FMN2: variants seen among roughly 807,000 people sequenced by gnomAD.
The protein encoded by FMN2 is formin-2.
A neutral mutation model predicts 142.3 loss-of-function variants in FMN2; 51 were observed. The ratio of observed to expected loss-of-function variants is 0.36; its 90% CI spans 0.29 to 0.45. The LOEUF (loss-of-function observed/expected upper bound fraction) is 0.45. FMN2 is among the 20% of genes least tolerant of loss of function. The pLI is 1.00. For missense variants in FMN2, 1,936 were observed against 2,122.8 expected (o/e 0.91, Z 1.73); for synonymous variants, 882 against 869.8 (o/e 1.01, Z -0.25).
chr1:240,189,537 T>C (rs777219483), intron 4 of FMN2, among the ~76,000 whole-genome samples: 8 of 152,242 alleles, frequency 5.3e-5, no homozygotes, highest in Non-Finnish European at 1.2e-4. Context: ...ATCCCTGTGT[T>C]ATACATGAAA....
intron 6 of FMN2, among the ~76,000 whole-genome samples, chr1:240,224,119 T>C (rs1234568663): frequency 6.6e-6 from 1 of 152,218 alleles, no homozygotes; most frequent in Non-Finnish European, 1.5e-5. Context: ...TGTAGACATT[T>C]AGTGCTATAA....
intron 16 of FMN2, among the ~76,000 whole-genome samples, chr1:240,468,431 C>T (rs1244700026): frequency 6.6e-6 from 1 of 150,502 alleles, no homozygotes; most frequent in Non-Finnish European, 1.5e-5. Context: ...AACTCAAGTG[C>T]AGACACAGTT....
chr1:240,345,543 TCA>T (rs1354210860), intron 13 of FMN2, among the ~76,000 whole-genome samples: 1 of 152,172 alleles, frequency 6.6e-6, no homozygotes, highest in Non-Finnish European at 1.5e-5. Flanking sequence ...TGATCTCGAC[TCA>T]CTGCAACCTC....
intron 2 of FMN2, chr1:240,170,439 T>C (rs189343066): frequency 2.3e-6 from 3 of 1,316,210 alleles, no homozygotes; most frequent in Admixed American, 1.7e-5. Flanking sequence ...ATAACTGTCA[T>C]CCCATTTTAC....
rs1262421792 is a variant in FMN2, at chr1:240,413,132, A to ATC, written c.4910+20570_4910+20571insTC. ...AGCGAGACTCTGTCAAAAAAAAAAAAAAAAAAAAAAAAAAAAAGCAGCAAA... is the reference window on the plus strand; with the variant it reads ...AGCGAGACTCTGTCAAAAAAAAAAAATCAAAAAAAAAAAAAAAAAGCAGCAAA... On this transcript the variant is annotated intron_variant, in intron 15 of 17. Transcript: ENST00000319653. Among the ~76,000 whole-genome samples, 41 of 145,396 alleles carry ATC rather than the reference A, an allele frequency of 2.8e-4. 1 individual carries two copies. Among genetic ancestry groups the ATC allele is most frequent in the Middle Eastern group, 3.6e-3 (1 of 278 alleles).
At chr1:240,454,469 G>T (rs543352838) in intron 16 of FMN2, among the ~76,000 whole-genome samples, 2 of 152,290 alleles carry the variant, frequency 1.3e-5, no homozygotes, top group Admixed American at 1.3e-4. Context: ...TTGAACCCAG[G>T]AGGCAGAGGT....
intron 16 of FMN2, among the ~76,000 whole-genome samples, chr1:240,454,292 A>G (rs1056359924): frequency 9.2e-5 from 14 of 152,156 alleles, no homozygotes; most frequent in Non-Finnish European, 7.3e-5. Context: ...CTTTAATCCC[A>G]GCAATTTGGG....
chr1:240,324,201 T>C (rs73124130), intron 8 of FMN2, among the ~76,000 whole-genome samples: 1,690 of 152,318 alleles, frequency 0.011, 34 homozygotes, highest in African/African-American at 0.037. Context: ...GATCTCCCCA[T>C]CTGGACATTC....
chr1:240,277,091 T>C (rs1669241160), intron 7 of FMN2, among the ~76,000 whole-genome samples: 3 of 152,222 alleles, frequency 2.0e-5, no homozygotes, highest in African/African-American at 7.2e-5. Flanking sequence ...TTTCTTGATT[T>C]CCTAACATTC....
intron 2 of FMN2, among the ~76,000 whole-genome samples, chr1:240,164,396 A>G (rs1037360891): frequency 1.3e-5 from 2 of 152,180 alleles, no homozygotes; most frequent in African/African-American, 2.4e-5. Flanking sequence ...TCCACAGGAC[A>G]TTAATACTGT....
At chr1:240,386,744 TAACAG>T (rs1673417486) in intron 14 of FMN2, among the ~76,000 whole-genome samples, 1 of 152,180 alleles carries the variant, frequency 6.6e-6, no homozygotes, top group Non-Finnish European at 1.5e-5. Context: ...AAAAATGCTG[TAACAG>T]AACCATTAAA....
chr1:240,317,784 G>A (rs1670840488), intron 8 of FMN2, among the ~76,000 whole-genome samples: 1 of 152,116 alleles, frequency 6.6e-6, no homozygotes, highest in African/African-American at 2.4e-5. Context: ...CAATTGTTGT[G>A]TTACAAGTTG....
chr1:240,372,803 C>A (rs1480414433), intron 14 of FMN2, among the ~76,000 whole-genome samples: 1 of 152,088 alleles, frequency 6.6e-6, no homozygotes, highest in African/African-American at 2.4e-5. Context: ...ATAACAGTTA[C>A]ATTTATGCTA....
At chr1:240,111,071 A>C (rs1314857892) in intron 1 of FMN2, among the ~76,000 whole-genome samples, 1 of 152,214 alleles carries the variant, frequency 6.6e-6, no homozygotes, top group East Asian at 1.9e-4. Context: ...TCTTGATCAT[A>C]ATAATAACAG....
intron 8 of FMN2, among the ~76,000 whole-genome samples, chr1:240,301,753 C>T (rs899593656): frequency 6.6e-6 from 1 of 151,942 alleles, no homozygotes; most frequent in African/African-American, 2.4e-5. Flanking sequence ...TGTATTAATA[C>T]ATAAATTGTC....
At chr1:240,465,709 A>C (rs995041165) in intron 16 of FMN2, among the ~76,000 whole-genome samples, 1 of 152,110 alleles carries the variant, frequency 6.6e-6, no homozygotes, top group African/African-American at 2.4e-5. Context: ...CCAAGCTATT[A>C]ATGTTTAGTG....
At chr1:240,184,305 C>G (rs1303866787) in intron 3 of FMN2, among the ~76,000 whole-genome samples, 1 of 128,782 alleles carries the variant, frequency 7.8e-6, no homozygotes, top group East Asian at 2.3e-4. Flanking sequence ...GGCGCGATCT[C>G]GGCTCACTGC....
At chr1:240,180,190 A>G in intron 3 of FMN2, 1 of 1,279,340 alleles carries the variant, frequency 7.8e-7, no homozygotes, top group Non-Finnish European at 1.0e-6. Context: ...GGTAAGAAGT[A>G]ATTTAACTTA....
intron 13 of FMN2, among the ~76,000 whole-genome samples, chr1:240,338,808 T>G (rs1348430699): frequency 6.6e-6 from 1 of 152,212 alleles, no homozygotes; most frequent in Non-Finnish European, 1.5e-5. Context: ...ACTTCTATTA[T>G]AATTACATTG....
Sources: gnomAD v4.1 joint callset for allele counts (sites outside exome capture counted in the v4.1 genomes callset) on GRCh38, gnomAD v4.1.1 for gene constraint, MANE v1.5 for transcripts, NCBI Gene and HGNC (gene_info 2026-07-23, HGNC 2026-07-21) for gene names.